The following GPATCH1 variants were observed in gnomAD, a reference collection of about 807,000 sequenced individuals.
GPATCH1 encodes the protein G patch domain-containing protein 1.
In GPATCH1, 73 loss-of-function variants were observed where a neutral mutation model predicts 114.9. The observed-to-expected ratio is 0.64, with a 90% CI of 0.53 to 0.77. GPATCH1 has a LOEUF of 0.77. Ranked by LOEUF, GPATCH1 falls within the 30% of genes least tolerant of loss-of-function variation. The probability of loss-of-function intolerance (pLI) is 0.00; values close to 1 mark genes in which losing one functional copy is unlikely to be tolerated. For missense variants in GPATCH1, 1,058 were observed against 1,144.3 expected (o/e 0.92, Z 1.09); for synonymous variants, 391 against 428.4 (o/e 0.91, Z 1.08).
chr19:33,109,066 AAGT>A (rs556834475), intron 10 of GPATCH1, among the ~76,000 whole-genome samples: 296 of 152,072 alleles, frequency 1.9e-3, no homozygotes, highest in African/African-American at 7.0e-3. Flanking sequence ...AAAATACAAA[AAGT>A]AGTCGGGCAT....
Position 33,088,148 on chromosome 19 carries a change from A to C in GPATCH1, c.88A>C (p.Lys30Gln). The C allele has an allele frequency of 6.5e-7, 1 of 1,549,128 alleles. No homozygotes were observed. Among genetic ancestry groups the C allele is most frequent in the Non-Finnish European group, 8.7e-7 (1 of 1,153,012 alleles). ...EPLEEGERPK[K>Q]PIPLQDQTVR... ...TTTTTTTTTAGGTGAAAGACCAAAG[A>C]AACCAATCCCTCTTCAGGATCAGAC... The change falls in exon 2 of 20, where the codon AAA (lysine) becomes CAA (glutamine). Residue 30 changes from lysine (K) to glutamine (Q), a missense_variant. Coordinates refer to ENST00000170564, the MANE Select transcript of GPATCH1 (RefSeq NM_018025.3).
rs981864507 is a variant in GPATCH1 at position 33,096,208 on chromosome 19, G to A, written c.614G>A (p.Gly205Asp). ...TAATTCCACTTTAAACGGAAATAGG[G>A]TGAAGATGATGACTACTTGCCTGAT... is the stretch of plus-strand genomic sequence containing the variant. ...LPPGSSEGSE[G>D]EDDDYLPDNV... Residue 205 changes from glycine (G) to aspartate (D), a missense_variant and splice_region_variant, in exon 7 of 20, where the codon GGT becomes GAT. By Grantham distance (94) the Gly-to-Asp change is moderately conservative (BLOSUM62 -1). Transcript: ENST00000170564. The A allele has an allele frequency of 6.2e-7, 1 of 1,613,484 alleles. No homozygotes were observed. The highest frequency in any genetic ancestry group is 1.7e-5 in the Admixed American group (1 of 59,886).
At chr19:33,123,984 G>C (rs901829077) in intron 17 of GPATCH1, among the ~76,000 whole-genome samples, 4 of 151,962 alleles carry the variant, frequency 2.6e-5, no homozygotes, top group African/African-American at 9.7e-5. Flanking sequence ...CTCCTGAGTA[G>C]TGGGGATTAC....
intron 18 of GPATCH1, among the ~76,000 whole-genome samples, chr19:33,125,406 T>C (rs188462771): frequency 1.3e-5 from 2 of 151,670 alleles, no homozygotes; most frequent in East Asian, 3.9e-4. Flanking sequence ...CCCCCCGCTT[T>C]TTTTTTTTTT....
Position 33,097,916 on chromosome 19 carries a change from C to T in GPATCH1, c.1000+14C>T, listed in dbSNP as rs1972681914. On this transcript the variant is annotated intron_variant, in intron 8 of 19. Transcript: ENST00000170564. ...AAAACCAGAAAGGTAATTCGACAGCCACAAACCTAATGGCAGGACCAAGTG... is the reference window on the plus strand; with the variant it reads ...AAAACCAGAAAGGTAATTCGACAGCTACAAACCTAATGGCAGGACCAAGTG... 1.2e-6 allele frequency: 2 copies of T among 1,612,866 alleles called. No homozygotes were observed. Among genetic ancestry groups the T allele is most frequent in the African/African-American group, 1.3e-5 (1 of 74,892 alleles).
intron 2 of GPATCH1, among the ~76,000 whole-genome samples, chr19:33,089,994 G>C (rs1972576903): frequency 1.3e-5 from 2 of 152,150 alleles, no homozygotes; most frequent in Non-Finnish European, 2.9e-5. Context: ...TTAGTGCAGT[G>C]GTGCACCTAC....
At position 33,130,528 on chromosome 19, in the gene GPATCH1, G is replaced by C. The variant is rs1000731997; in HGVS notation, c.*368G>C. The C allele has an allele frequency of 1.2e-5, 2 of 173,280 alleles. No individual in the cohort carries two copies. The highest frequency in any genetic ancestry group is 4.7e-5 in the African/African-American group (2 of 42,230). The allele number at this position is 173,280 out of a possible 1,614,324, so 10.7% of individuals were successfully genotyped here. The stretch of plus-strand genomic sequence containing the variant: ...TCACTGAAGGACAAGCGTGTGAGAA[G>C]GGGCGGTTGCGGCCCCTCCTGCCGT... On this transcript the variant is annotated 3_prime_UTR_variant, in exon 20 of 20. Transcript: ENST00000170564.
chr19:33,081,867 G>A (rs1053584151), intron 1 of GPATCH1, among the ~76,000 whole-genome samples: 16 of 148,570 alleles, frequency 1.1e-4, no homozygotes, highest in Non-Finnish European at 1.8e-4. Flanking sequence ...AAATTACACA[G>A]GGAGGGATAT....
At chr19:33,100,635 A>G (rs1354662412) in intron 8 of GPATCH1, among the ~76,000 whole-genome samples, 1 of 150,528 alleles carries the variant, frequency 6.6e-6, no homozygotes, top group African/African-American at 2.4e-5. Flanking sequence ...AAGCACAAAG[A>G]ATGGTTTTGT....
Position 33,117,873 on chromosome 19 carries a change from C to G in GPATCH1, c.2245C>G (p.Pro749Ala). 6.2e-7 allele frequency: 1 copy of G among 1,613,962 alleles called. No homozygotes were observed. Among genetic ancestry groups the G allele is most frequent in the East Asian group, 2.2e-5 (1 of 44,868 alleles). ...ACAGGCTGAAGGAGAAGGGAGCCGC[C>G]CATCCATGGACTTATTCAGGGCCAT... is the stretch of plus-strand genomic sequence containing the variant. The part of the protein sequence containing the change: ...DAQAEGEGSR[P>A]SMDLFRAIFA... Residue 749 changes from proline (P) to alanine (A), a missense_variant, in exon 16 of 20, where the codon CCA becomes GCA. Coordinates refer to ENST00000170564, the MANE Select transcript of GPATCH1 (RefSeq NM_018025.3).
At chr19:33,128,291 T>C (rs6510357) in intron 19 of GPATCH1, among the ~76,000 whole-genome samples, 55,074 of 151,388 alleles carry the variant, frequency 0.36, 11,307 homozygotes, top group South Asian at 0.61. Flanking sequence ...GACAGAGTCT[T>C]GCTCTGTCAC....
intron 13 of GPATCH1, 163 bp from the exon 14 acceptor site, chr19:33,113,604 A>C (rs914631337): frequency 8.6e-6 from 5 of 582,010 alleles, no homozygotes; most frequent in Non-Finnish European, 1.5e-5. Flanking sequence ...CATGGGACCT[A>C]AAATCAGTCA....
intron 1 of GPATCH1, among the ~76,000 whole-genome samples, chr19:33,083,897 C>T (rs1972507196): frequency 6.6e-6 from 1 of 152,116 alleles, no homozygotes; most frequent in Non-Finnish European, 1.5e-5. Flanking sequence ...ACAACCTCTG[C>T]CTCCCAGGTT....
intron 8 of GPATCH1, among the ~76,000 whole-genome samples, chr19:33,098,316 C>T (rs1972687376): frequency 6.6e-6 from 1 of 152,342 alleles, no homozygotes; most frequent in Middle Eastern, 3.4e-3. Flanking sequence ...CAACAGCCTG[C>T]AGCAAGATGG....
chr19:33,094,285 G>A lies in GPATCH1; in HGVS notation c.553+16G>A. On this transcript the variant is annotated intron_variant, in intron 5 of 19. Transcript: ENST00000170564. ...CAGAAACCTGGTGTGTATGTTAATT[G>A]ATTAACTGTTATCACTGCTGCAGCG... is the stretch of plus-strand genomic sequence containing the variant. 2.3e-6 allele frequency: 3 copies of A among 1,315,308 alleles called. No individual in the cohort carries two copies. Among genetic ancestry groups the A allele is most frequent in the Non-Finnish European group, 3.3e-6 (3 of 909,366 alleles). 81.5% of individuals were successfully genotyped at this position (1,315,308 alleles called of 1,614,324 possible). A position where few individuals can be genotyped will look rare whatever the true frequency, so the allele number is the denominator to read the frequency against.
chr19:33,106,977 C>T, intron 10 of GPATCH1, 78 bp downstream of exon 10: 1 of 1,189,282 alleles, frequency 8.4e-7, no homozygotes, highest in Non-Finnish European at 1.2e-6. Flanking sequence ...TGTTGTTTTC[C>T]CACTGAAGTT....
chr19:33,089,235 A>T (rs567214972), intron 2 of GPATCH1, among the ~76,000 whole-genome samples: 1 of 152,228 alleles, frequency 6.6e-6, no homozygotes, highest in East Asian at 1.9e-4. Context: ...TGTCACAGGG[A>T]TCTTGCAGAT....
chr19:33,085,302 C>T (rs547615702), intron 1 of GPATCH1, among the ~76,000 whole-genome samples: 105 of 152,208 alleles, frequency 6.9e-4, no homozygotes, highest in African/African-American at 2.5e-3. Flanking sequence ...GCCTTGGCCT[C>T]CTGGGCTCAA....
In GPATCH1 at chr19:33,130,233, G is replaced by T. The variant is rs1973089673; in HGVS notation, c.*73G>T. On this transcript the variant is annotated 3_prime_UTR_variant, in exon 20 of 20. Coordinates refer to ENST00000170564, the MANE Select transcript of GPATCH1 (RefSeq NM_018025.3). ...GAAGCCCAGTGATTGTTCAGTTAAC[G>T]CATTGTACAGAGTGTATTTATATGT... 1 of 1,027,260 alleles carries T rather than the reference G, an allele frequency of 9.7e-7. No homozygotes were observed. Among genetic ancestry groups the T allele is most frequent in the South Asian group, 1.3e-5 (1 of 78,206 alleles). The allele number at this position is 1,027,260 out of a possible 1,614,324, so 63.6% of individuals were successfully genotyped here.
Sources: allele counts gnomAD v4.1 joint callset (sites outside exome capture counted in the v4.1 genomes callset), GRCh38; gene constraint gnomAD v4.1.1; transcripts MANE v1.5; gene names NCBI Gene and HGNC (gene_info 2026-07-23, HGNC 2026-07-21).